Variants in TRIM33 observed in about 807,000 individuals in gnomAD.
TRIM33 encodes E3 ubiquitin-protein ligase TRIM33.
TRIM33 carries 20 observed loss-of-function variants against 125.4 expected under a neutral mutation model. That is an observed-to-expected ratio of 0.16 (90% CI 0.11 to 0.23). The LOEUF is 0.23. Ranked by LOEUF, TRIM33 falls within the 10% of genes least tolerant of loss-of-function variation. The pLI, the probability that TRIM33 is intolerant of heterozygous loss-of-function variation, is 1.00. For missense variants in TRIM33, 920 were observed against 1,411.4 expected (o/e 0.65, Z 5.58); for synonymous variants, 564 against 513.9 (o/e 1.10, Z -1.32).
In TRIM33 at chr1:114,397,230, AG is replaced by A; in HGVS notation, c.*417del. 4.1e-6 allele frequency: 1 copy of A among 246,886 alleles called. No individual in the cohort carries two copies. The allele number at this position is 246,886 out of a possible 1,614,324, so 15.3% of individuals were successfully genotyped here. On this transcript the variant is annotated 3_prime_UTR_variant, in exon 20 of 20. Coordinates refer to ENST00000358465, the MANE Select transcript of TRIM33 (RefSeq NM_015906.4). ...ATGTGTGTGAAGGGGGAGGGTTAAA[AG>A]TTGTTTTAATAACTGTGCGACCTAG...
intron 4 of TRIM33, among the ~76,000 whole-genome samples, chr1:114,445,903 G>T (rs1648943669): frequency 6.6e-6 from 1 of 152,148 alleles, no homozygotes; most frequent in South Asian, 2.1e-4. Context: ...GATCACCCAG[G>T]CTGGAGTGCA....
intron 1 of TRIM33, among the ~76,000 whole-genome samples, chr1:114,495,368 C>A (rs185455677): frequency 6.6e-6 from 1 of 152,082 alleles, no homozygotes. Flanking sequence ...TACCACATTA[C>A]CTCGGTGGCC....
Position 114,450,172 on chromosome 1 carries a change from G to A in TRIM33, c.923+12932C>T, listed in dbSNP as rs557492681. Among the ~76,000 whole-genome samples the A allele has an allele frequency of 1.8e-3, 277 of 152,268 alleles. 2 individuals carry two copies. Among genetic ancestry groups the A allele is most frequent in the Non-Finnish European group, 2.2e-3 (152 of 68,010 alleles). On this transcript the variant is annotated intron_variant, in intron 4 of 19. Transcript: ENST00000358465. ...CTTGGGAGGCTGAGGCAGGAGAATC[G>A]CTTGCACCCGGCAGGGGCAGAGGTT...
At chr1:114,457,583 C>A (rs1347581269) in intron 4 of TRIM33, among the ~76,000 whole-genome samples, 1 of 152,124 alleles carries the variant, frequency 6.6e-6, no homozygotes, top group African/African-American at 2.4e-5. Context: ...GATTTACAAC[C>A]AGGAGAATGC....
intron 4 of TRIM33, chr1:114,459,899 C>T (rs1469593781): frequency 1.3e-5 from 2 of 152,556 alleles, no homozygotes; most frequent in East Asian, 1.9e-4. Context: ...GTTCTCTTCC[C>T]TTTTGTGGCC....
At chr1:114,415,983 A>G (rs1163003033) in intron 11 of TRIM33, among the ~76,000 whole-genome samples, 1 of 151,784 alleles carries the variant, frequency 6.6e-6, no homozygotes, top group African/African-American at 2.4e-5. Context: ...AGCAATAAAA[A>G]AGAACAAAAG....
chr1:114,498,133 A>G (rs1652487437), intron 1 of TRIM33, among the ~76,000 whole-genome samples: 1 of 151,114 alleles, frequency 6.6e-6, no homozygotes. Context: ...TCTCAAAAAA[A>G]AAAAAAAAAA....
In TRIM33 at chr1:114,473,315, G is replaced by C. The variant is rs1429733875; in HGVS notation, c.527-8927C>G. On this transcript the variant is annotated intron_variant, in intron 1 of 19. Coordinates refer to ENST00000358465, the MANE Select transcript of TRIM33 (RefSeq NM_015906.4). ...AGCAAGGCAATTTATTTTTATAGAA[G>C]GATGCGCCCTCACAGATGGAGCAAT... 2.6e-5 allele frequency among the ~76,000 whole-genome samples: 4 copies of C among 151,796 alleles called. No individual in the cohort carries two copies. The East Asian group carries it at 5.8e-4, about 22-fold the overall frequency.
At chr1:114,486,353 G>C (rs998882949) in intron 1 of TRIM33, among the ~76,000 whole-genome samples, 2 of 151,424 alleles carry the variant, frequency 1.3e-5, no homozygotes, top group South Asian at 4.2e-4. Flanking sequence ...AAGACCAATG[G>C]AAATTATAGG....
At chr1:114,484,879 A>G (rs1406849310) in intron 1 of TRIM33, among the ~76,000 whole-genome samples, 2 of 151,906 alleles carry the variant, frequency 1.3e-5, no homozygotes. Context: ...AATAAAAATA[A>G]GAAATACAAA....
intron 1 of TRIM33, among the ~76,000 whole-genome samples, chr1:114,505,957 T>C (rs963579730): frequency 4.6e-5 from 7 of 152,204 alleles, no homozygotes; most frequent in Admixed American, 2.6e-4. Flanking sequence ...ATTAAACGTA[T>C]GTACATACAG....
intron 1 of TRIM33, among the ~76,000 whole-genome samples, chr1:114,486,136 C>G (rs1651668106): frequency 6.6e-6 from 1 of 151,926 alleles, no homozygotes; most frequent in South Asian, 2.1e-4. Flanking sequence ...ACTAGCCAGG[C>G]ATGGTGGCAC....
chr1:114,483,946 C>G (rs76899506), intron 1 of TRIM33, among the ~76,000 whole-genome samples: 2 of 151,918 alleles, frequency 1.3e-5, no homozygotes, highest in Admixed American at 1.3e-4. Flanking sequence ...TTTAGGAAAC[C>G]GGAACAATGA....
intron 4 of TRIM33, among the ~76,000 whole-genome samples, chr1:114,437,091 T>C (rs1648356515): frequency 6.6e-6 from 1 of 152,186 alleles, no homozygotes; most frequent in Non-Finnish European, 1.5e-5. Flanking sequence ...ATTCCCCTTA[T>C]CCCAAAATAA....
chr1:114,467,959 C>T (rs770666261), intron 1 of TRIM33, among the ~76,000 whole-genome samples: 1 of 152,150 alleles, frequency 6.6e-6, no homozygotes, highest in Non-Finnish European at 1.5e-5. Context: ...ATACCTACAG[C>T]CTCTAATTAC....
At chr1:114,472,451 G>A (rs566994899) in intron 1 of TRIM33, among the ~76,000 whole-genome samples, 1 of 152,222 alleles carries the variant, frequency 6.6e-6, no homozygotes, top group Non-Finnish European at 1.5e-5. Flanking sequence ...ATACAGAAGT[G>A]GCCAGATGCT....
intron 1 of TRIM33, among the ~76,000 whole-genome samples, chr1:114,474,054 A>G (rs1570620697): frequency 6.6e-6 from 1 of 151,746 alleles, no homozygotes; most frequent in African/African-American, 2.4e-5. Flanking sequence ...ATACACCATC[A>G]CACTCGGTTA....
chr1:114,466,042 A>AT (rs1650279914), intron 1 of TRIM33, among the ~76,000 whole-genome samples: 2 of 137,996 alleles, frequency 1.4e-5, no homozygotes, highest in Non-Finnish European at 3.2e-5. Flanking sequence ...CTCGGTCTCA[A>AT]AAAAAAAAAT....
intron 1 of TRIM33, among the ~76,000 whole-genome samples, chr1:114,505,973 T>C (rs995603651): frequency 6.6e-6 from 1 of 152,182 alleles, no homozygotes; most frequent in African/African-American, 2.4e-5. Flanking sequence ...TACAGAATGT[T>C]AGCATAAAAG....
Sources: gnomAD v4.1 joint callset for allele counts (sites outside exome capture counted in the v4.1 genomes callset) on GRCh38, gnomAD v4.1.1 for gene constraint, MANE v1.5 for transcripts, NCBI Gene and HGNC (gene_info 2026-07-23, HGNC 2026-07-21) for gene names.